The following PHYHIPL variants were observed in gnomAD, a reference collection of about 807,000 sequenced individuals.
PHYHIPL encodes the protein phytanoyl-CoA 2-hydroxylase interacting protein like.
A neutral mutation model predicts 33.4 loss-of-function variants in PHYHIPL; 9 were observed. The ratio of observed to expected loss-of-function variants is 0.27; its 90% CI spans 0.16 to 0.47. The LOEUF is 0.47. Among genes scored for constraint, PHYHIPL ranks in the 20% least tolerant of loss-of-function variants. The pLI, the probability that PHYHIPL is intolerant of heterozygous loss-of-function variation, is 0.99. For missense variants in PHYHIPL, 365 were observed against 460.7 expected (o/e 0.79, Z 1.90); for synonymous variants, 153 against 154.1 (o/e 0.99, Z 0.05).
rs528556550 is a variant in PHYHIPL at position 59,215,403 on chromosome 10, C to T, written c.107-18901C>T. Among the ~76,000 whole-genome samples, 267 of 152,024 alleles carry T rather than the reference C, an allele frequency of 1.8e-3. 1 individual carries two copies. The highest frequency in any genetic ancestry group is 3.4e-3 in the Middle Eastern group (1 of 294). Reference sequence around the variant, plus strand: ...TGAATAATAACTAAAATTTATTTTACCAGATCTTCAAGTGGTATTTTTAGA... The same window carrying T: ...TGAATAATAACTAAAATTTATTTTATCAGATCTTCAAGTGGTATTTTTAGA... On this transcript the variant is annotated intron_variant, in intron 1 of 4. Coordinates refer to ENST00000373880, the MANE Select transcript of PHYHIPL (RefSeq NM_032439.4).
At chr10:59,224,879 G>A (rs1403319586) in intron 1 of PHYHIPL, among the ~76,000 whole-genome samples, 1 of 151,944 alleles carries the variant, frequency 6.6e-6, no homozygotes, top group Admixed American at 6.6e-5. Flanking sequence ...GCCATACTCA[G>A]AAAGAGGAGT....
At chr10:59,192,440 A>G (rs1838806827) in intron 1 of PHYHIPL, among the ~76,000 whole-genome samples, 1 of 152,084 alleles carries the variant, frequency 6.6e-6, no homozygotes, top group South Asian at 2.1e-4. Context: ...ACAAATTTCT[A>G]GGGGATGTTG....
chr10:59,247,542 A>G lies in PHYHIPL; in HGVS notation c.*1951A>G. On this transcript the variant is annotated 3_prime_UTR_variant, in exon 5 of 5. Transcript: ENST00000373880. ...CATTTTCATTGTGTCAAAACTACTTAGCAAGGATGGCAGAGGAAAATAAAC... is the reference window on the plus strand; with the variant it reads ...CATTTTCATTGTGTCAAAACTACTTGGCAAGGATGGCAGAGGAAAATAAAC... 6.3e-7 allele frequency: 1 copy of G among 1,592,420 alleles called. No homozygotes were observed. Among genetic ancestry groups the G allele is most frequent in the Non-Finnish European group, 8.6e-7 (1 of 1,165,864 alleles).
chr10:59,216,057 G>T (rs1189583676), intron 1 of PHYHIPL, among the ~76,000 whole-genome samples: 1 of 151,986 alleles, frequency 6.6e-6, no homozygotes, highest in African/African-American at 2.4e-5. Context: ...AAGTAGGGGT[G>T]TTGAACACAT....
intron 1 of PHYHIPL, among the ~76,000 whole-genome samples, chr10:59,198,740 C>T (rs1054870942): frequency 2.9e-5 from 4 of 137,754 alleles, no homozygotes; most frequent in African/African-American, 1.3e-4. Context: ...TTTTAATGAT[C>T]GCCATTCTAA....
chr10:59,176,689 GGCGGC>G lies in PHYHIPL; in HGVS notation c.-164_-160del, dbSNP rs1449872438. 1.0e-5 allele frequency: 6 copies of G among 600,800 alleles called. No individual in the cohort carries two copies. Among genetic ancestry groups the G allele is most frequent in the Non-Finnish European group, 1.7e-5 (6 of 350,334 alleles). The allele number at this position is 600,800 out of a possible 1,614,324, so 37.2% of individuals were successfully genotyped here. A position where few individuals can be genotyped will look rare whatever the true frequency, so the allele number is the denominator to read the frequency against. ...CTCCTGCCACAGCCGTCGCCTTCGC[GGCGGC>G]TCTCCAGCCCCGCGCCTCAGCCTCG... On this transcript the variant is annotated 5_prime_UTR_variant, in exon 1 of 5. Transcript: ENST00000373880.
chr10:59,187,639 C>G (rs1754242712), intron 1 of PHYHIPL, among the ~76,000 whole-genome samples: 1 of 152,132 alleles, frequency 6.6e-6, no homozygotes, highest in South Asian at 2.1e-4. Flanking sequence ...GCCTCAATTT[C>G]AGAGCCTGTT....
intron 4 of PHYHIPL, among the ~76,000 whole-genome samples, chr10:59,239,083 T>A (rs1180939470): frequency 6.6e-6 from 1 of 151,486 alleles, no homozygotes; most frequent in Non-Finnish European, 1.5e-5. Flanking sequence ...TATAAAAGAG[T>A]GACTGTTTAA....
intron 1 of PHYHIPL, among the ~76,000 whole-genome samples, chr10:59,220,229 T>C (rs1006282394): frequency 1.3e-5 from 2 of 152,114 alleles, no homozygotes; most frequent in African/African-American, 4.8e-5. Flanking sequence ...CTTTAAGTTT[T>C]TTCAAATCAA....
intron 1 of PHYHIPL, 43 bp from the exon 2 acceptor site, chr10:59,234,261 C>T: frequency 6.9e-7 from 1 of 1,449,978 alleles, no homozygotes; most frequent in Non-Finnish European, 9.2e-7. Context: ...ATTGGAAAAT[C>T]CATTAATTGG....
chr10:59,234,538 A>T (rs1378163187), intron 2 of PHYHIPL, 38 bp downstream of exon 2: 1 of 1,391,580 alleles, frequency 7.2e-7, no homozygotes, highest in Non-Finnish European at 9.6e-7. Flanking sequence ...TTTGCATCTT[A>T]AAACTTTCTA....
At chr10:59,219,307 A>T (rs1839698958) in intron 1 of PHYHIPL, 1 of 779,114 alleles carries the variant, frequency 1.3e-6, no homozygotes, top group Non-Finnish European at 1.6e-6. Flanking sequence ...TTCTTTACGT[A>T]GTTTGATATT....
At chr10:59,184,917 G>C (rs1331126134) in intron 1 of PHYHIPL, among the ~76,000 whole-genome samples, 1 of 148,338 alleles carries the variant, frequency 6.7e-6, no homozygotes, top group Non-Finnish European at 1.5e-5. Flanking sequence ...TTTTGTCCTT[G>C]CGATAGTTTG....
chr10:59,176,050 T>C (rs1838242528), upstream of PHYHIPL, among the ~76,000 whole-genome samples: 1 of 152,138 alleles, frequency 6.6e-6, no homozygotes, highest in Non-Finnish European at 1.5e-5. Context: ...GGCAAAATGC[T>C]GTCTCTAAAC....
chr10:59,224,467 A>AAACAAAACAAAACAG (rs1839864867), intron 1 of PHYHIPL, among the ~76,000 whole-genome samples: 1 of 147,516 alleles, frequency 6.8e-6, no homozygotes, highest in Non-Finnish European at 1.5e-5. Flanking sequence ...AAACAAAACA[A>AAACAAAACAAAACAG]AACAAAACAA....
At chr10:59,201,232 T>A (rs1839102302) in intron 1 of PHYHIPL, among the ~76,000 whole-genome samples, 1 of 152,220 alleles carries the variant, frequency 6.6e-6, no homozygotes, top group Non-Finnish European at 1.5e-5. Context: ...GCTTTGAATG[T>A]GTCCCAGAGA....
chr10:59,181,935 G>A (rs1432315355), intron 1 of PHYHIPL, among the ~76,000 whole-genome samples: 1 of 152,090 alleles, frequency 6.6e-6, no homozygotes, highest in East Asian at 1.9e-4. Context: ...AGGTAGGCCC[G>A]GTCAGAAATT....
chr10:59,197,504 T>A (rs984365693), intron 1 of PHYHIPL, among the ~76,000 whole-genome samples: 3 of 152,160 alleles, frequency 2.0e-5, no homozygotes, highest in Non-Finnish European at 4.4e-5. Flanking sequence ...GCTCTACTTT[T>A]TTTTTCCTAC....
intron 1 of PHYHIPL, among the ~76,000 whole-genome samples, chr10:59,204,979 C>G (rs1380235683): frequency 6.6e-6 from 1 of 151,720 alleles, no homozygotes; most frequent in African/African-American, 2.4e-5. Context: ...ATTCTCCTGC[C>G]CCAGCCTCCC....
Sources: gnomAD v4.1 joint callset for allele counts (sites outside exome capture counted in the v4.1 genomes callset) on GRCh38, gnomAD v4.1.1 for gene constraint, MANE v1.5 for transcripts, NCBI Gene and HGNC (gene_info 2026-07-23, HGNC 2026-07-21) for gene names.